ACACB: variants seen among roughly 807,000 people sequenced by gnomAD.
ACACB encodes the protein acetyl-CoA carboxylase 2.
In ACACB, 209 loss-of-function variants were observed where a neutral mutation model predicts 278.8. The ratio of observed to expected loss-of-function variants is 0.75; its 90% CI spans 0.67 to 0.84. The LOEUF (loss-of-function observed/expected upper bound fraction) is 0.84. Among genes scored for constraint, ACACB ranks in the 40% least tolerant of loss-of-function variants. The pLI, the probability that ACACB is intolerant of heterozygous loss-of-function variation, is 0.00. For synonymous variants in ACACB, 1,174 were observed against 1,285.6 expected (o/e 0.91, Z 1.86); for missense variants, 2,850 against 3,269.0 (o/e 0.87, Z 3.13).
intron 26 of ACACB, among the ~76,000 whole-genome samples, chr12:109,223,114 C>T (rs2046222860): frequency 6.6e-6 from 1 of 152,108 alleles, no homozygotes; most frequent in Non-Finnish European, 1.5e-5. Flanking sequence ...GGGCATGGAG[C>T]CCAGTCCTCC....
At chr12:109,205,874 A>G (rs1410360148) in intron 19 of ACACB, among the ~76,000 whole-genome samples, 1 of 152,162 alleles carries the variant, frequency 6.6e-6, no homozygotes, top group Non-Finnish European at 1.5e-5. Flanking sequence ...GCACCCCAGC[A>G]CTGTGCGTCA....
rs1357834405 is a variant in ACACB at position 109,199,547 on chromosome 12, A to G, written c.2773A>G (p.Met925Val). Residue 925 changes from methionine to valine, a missense_variant, in exon 18 of 53, where the codon ATG (methionine) becomes GTG (valine). This residue lies in a region of ACACB where 2,265 missense variants were observed against 2,561.3 expected (regional missense o/e 0.88). Coordinates refer to ENST00000338432, the MANE Select transcript of ACACB (RefSeq NM_001093.4). ...HVEAGSSYAE[M>V]EVMKMIMTLN... ...TGAGGCTGGGAGCAGCTACGCTGAG[A>G]TGGAGGTGACTGCAGAGCCGGCCGT... 2 of 1,476,000 alleles carry G rather than the reference A, an allele frequency of 1.4e-6. No homozygotes were observed. Among genetic ancestry groups the G allele is most frequent in the East Asian group, 5.3e-5 (2 of 37,992 alleles). 91.4% of individuals were successfully genotyped at this position (1,476,000 alleles called of 1,614,324 possible). A position where few individuals can be genotyped will look rare whatever the true frequency, so the allele number is the denominator to read the frequency against.
intron 19 of ACACB, among the ~76,000 whole-genome samples, chr12:109,204,066 A>G (rs1284943242): frequency 6.6e-6 from 1 of 152,114 alleles, no homozygotes; most frequent in East Asian, 1.9e-4. Context: ...TAATAGGTGT[A>G]CATGTTTATG....
intron 1 of ACACB, among the ~76,000 whole-genome samples, chr12:109,132,618 G>A (rs892329794): frequency 6.6e-5 from 10 of 152,090 alleles, no homozygotes; most frequent in Non-Finnish European, 1.3e-4. Flanking sequence ...GTGAGAATTC[G>A]TATCCCCATT....
chr12:109,193,796 A>G, intron 16 of ACACB, 67 bp downstream of exon 16: 1 of 1,398,878 alleles, frequency 7.1e-7, no homozygotes, highest in Non-Finnish European at 1.0e-6. Context: ...TCTTTCTTCC[A>G]TGAACCATCC....
chr12:109,251,012 G>A (rs1358055569), intron 41 of ACACB, among the ~76,000 whole-genome samples: 1 of 152,104 alleles, frequency 6.6e-6, no homozygotes. Context: ...AGGAGGGGCC[G>A]CATGAACAGT....
chr12:109,223,745 T>C lies in ACACB; in HGVS notation c.3793-70T>C, dbSNP rs1000199676. ...CCACTGCACTCCAGTTTATCTCAAATAAAAACAAAGAAAAACCTGAAACTT... is the reference window on the plus strand; with the variant it reads ...CCACTGCACTCCAGTTTATCTCAAACAAAAACAAAGAAAAACCTGAAACTT... On this transcript the variant is annotated intron_variant, in intron 26 of 52. Transcript: ENST00000338432. 6 of 1,465,606 alleles carry C rather than the reference T, an allele frequency of 4.1e-6. No individual in the cohort carries two copies. The African/African-American group carries it at 8.4e-5, about 20-fold the overall frequency. The allele number at this position is 1,465,606 out of a possible 1,614,324, so 90.8% of individuals were successfully genotyped here. A position where few individuals can be genotyped will look rare whatever the true frequency, so the allele number is the denominator to read the frequency against.
At chr12:109,217,470 C>T (rs2046037254) in intron 24 of ACACB, among the ~76,000 whole-genome samples, 1 of 151,998 alleles carries the variant, frequency 6.6e-6, no homozygotes, top group Non-Finnish European at 1.5e-5. Flanking sequence ...AGTTCAAGTC[C>T]AGCCTAGGCA....
intron 9 of ACACB, among the ~76,000 whole-genome samples, chr12:109,178,401 A>G (rs1051182396): frequency 1.3e-5 from 2 of 152,234 alleles, no homozygotes; most frequent in Non-Finnish European, 2.9e-5. Flanking sequence ...TGGAAGAAAA[A>G]GACAACCACA....
At chr12:109,150,380 T>C (rs2043340625) in intron 2 of ACACB, among the ~76,000 whole-genome samples, 1 of 152,182 alleles carries the variant, frequency 6.6e-6, no homozygotes, top group Non-Finnish European at 1.5e-5. Flanking sequence ...CGGGCTTACA[T>C]CTTAAAGGTG....
chr12:109,247,228 C>T (rs949299664), intron 39 of ACACB, among the ~76,000 whole-genome samples: 1 of 151,242 alleles, frequency 6.6e-6, no homozygotes. Context: ...TTCTCGGGGG[C>T]GATATTGCCC....
At chr12:109,185,015 G>A (rs1053986007) in intron 11 of ACACB, among the ~76,000 whole-genome samples, 18 of 152,178 alleles carry the variant, frequency 1.2e-4, no homozygotes, top group Non-Finnish European at 2.2e-4. Context: ...TTTTTGAGGA[G>A]CTCAGGCAGA....
At position 109,265,419 on chromosome 12, in the gene ACACB, G is replaced by A. The variant is rs373300737; in HGVS notation, c.7144G>A (p.Val2382Met). 3.6e-5 allele frequency: 58 copies of A among 1,613,750 alleles called. No homozygotes were observed. Among genetic ancestry groups the A allele is most frequent in the Non-Finnish European group, 4.7e-5 (55 of 1,179,966 alleles). ...CTTGTGGGACAACAACCAGGTGGTT[G>A]TGCAGTGGCTGGAACAGCACTGGCA... ...AYLWDNNQVV[V>M]QWLEQHWQAG... Residue 2382 changes from valine to methionine, a missense_variant, in exon 52 of 53, where the codon GTG becomes ATG. Physicochemically the swap from Val to Met is conservative, Grantham distance 21 (BLOSUM62 1). Transcript: ENST00000338432.
chr12:109,166,040 G>A (rs1330404207), intron 2 of ACACB, among the ~76,000 whole-genome samples: 1 of 152,150 alleles, frequency 6.6e-6, no homozygotes, highest in African/African-American at 2.4e-5. Context: ...ATTTTGGAAG[G>A]CCGAGGTGGG....
chr12:109,217,020 G>C (rs983706609), intron 24 of ACACB, 100 bp downstream of exon 24: 2 of 1,442,806 alleles, frequency 1.4e-6, no homozygotes, highest in African/African-American at 2.8e-5. Context: ...GGTGGCTCAT[G>C]CCTGTAATCC....
intron 2 of ACACB, among the ~76,000 whole-genome samples, chr12:109,162,144 T>A (rs2043748612): frequency 6.6e-6 from 1 of 151,940 alleles, no homozygotes; most frequent in African/African-American, 2.4e-5. Context: ...GCCCAGCTAC[T>A]TTTTGTGTTT....
Position 109,264,321 on chromosome 12 carries a change from G to C in ACACB, c.6877G>C (p.Val2293Leu). 2 of 1,614,160 alleles carry C rather than the reference G, an allele frequency of 1.2e-6. No individual in the cohort carries two copies. Among genetic ancestry groups the C allele is most frequent in the Non-Finnish European group, 1.7e-6 (2 of 1,180,042 alleles). Residue 2293 changes from valine to leucine, a missense_variant, in exon 50 of 53, where the codon GTG (valine) becomes CTG (leucine). Val to Leu is a conservative substitution (Grantham distance 32). Transcript: ENST00000338432. Reference sequence around the variant, plus strand: ...CCTGCTGCTCCCCATCTACCACCAGGTGGCGGTGCAGTTCGCCGACTTCCA... The same window carrying C: ...CCTGCTGCTCCCCATCTACCACCAGCTGGCGGTGCAGTTCGCCGACTTCCA... ...EDLLLPIYHQ[V>L]AVQFADFHDT... is the part of the protein sequence containing the mutation.
intron 27 of ACACB, among the ~76,000 whole-genome samples, chr12:109,226,588 A>ATG (rs2046319292): frequency 6.6e-6 from 1 of 151,374 alleles, no homozygotes; most frequent in South Asian, 2.1e-4. Context: ...AATCCCAGCT[A>ATG]CTCAGGAGGC....
chr12:109,230,690 A>G (rs1197432586), intron 28 of ACACB, among the ~76,000 whole-genome samples: 1 of 152,142 alleles, frequency 6.6e-6, no homozygotes, highest in African/African-American at 2.4e-5. Context: ...TCGGCCTCCC[A>G]AAGTGCTGAT....
Sources: allele counts gnomAD v4.1 joint callset (sites outside exome capture counted in the v4.1 genomes callset), GRCh38; gene constraint gnomAD v4.1.1; regional missense constraint gnomAD v4.1.1; transcripts MANE v1.5; gene names NCBI Gene and HGNC (gene_info 2026-07-23, HGNC 2026-07-21).